BAZ1A: variants seen among roughly 807,000 people sequenced by gnomAD.
The protein encoded by BAZ1A is bromodomain adjacent to zinc finger domain protein 1A.
BAZ1A carries 50 observed loss-of-function variants against 185.2 expected under a neutral mutation model. The observed-to-expected ratio is 0.27, with a 90% CI of 0.22 to 0.34. The LOEUF is 0.34. Among genes scored for constraint, BAZ1A ranks in the 10% least tolerant of loss-of-function variants. The probability of loss-of-function intolerance (pLI) is 1.00; values close to 1 mark genes in which losing one functional copy is unlikely to be tolerated. For missense variants in BAZ1A, 1,356 were observed against 1,839.9 expected, an observed-to-expected ratio of 0.74 and a Z score of 4.81; for synonymous variants, 571 against 615.6, an observed-to-expected ratio of 0.93 and a Z score of 1.07.
chr14:34,787,354 A>C (rs1414674350), intron 12 of BAZ1A, among the ~76,000 whole-genome samples: 3 of 132,930 alleles, frequency 2.3e-5, no homozygotes, highest in Non-Finnish European at 4.9e-5. Context: ...TCTGTCTCAA[A>C]AAAAAAAAAA....
At chr14:34,754,285 G>T (rs1422698658) in intron 26 of BAZ1A, among the ~76,000 whole-genome samples, 1 of 149,912 alleles carries the variant, frequency 6.7e-6, no homozygotes, top group African/African-American at 2.5e-5. Flanking sequence ...TAGGCATGGT[G>T]GCCTGCACCT....
Position 34,874,866 on chromosome 14 carries a change from T to C in BAZ1A, c.-58-204A>G. 3.0e-6 allele frequency: 1 copy of C among 332,546 alleles called. No individual in the cohort carries two copies. Among genetic ancestry groups the C allele is most frequent in the Non-Finnish European group, 5.5e-6 (1 of 182,468 alleles). 20.6% of individuals were successfully genotyped at this position (332,546 alleles called of 1,614,324 possible). A position where few individuals can be genotyped will look rare whatever the true frequency, so the allele number is the denominator to read the frequency against. ...CCGCCCCTGCCCCCCGAGCGCGCCC[T>C]ACCTCCTCTCGTCCTGCCGCCGCCT... On this transcript the variant is annotated intron_variant, in intron 1 of 26. Transcript: ENST00000360310. This position sits in a 1 kb window ranked among gnomAD's most constrained non-coding sequence, Gnocchi z 4.7.
At chr14:34,872,941 A>ACAAC (rs1555346585) in intron 2 of BAZ1A, among the ~76,000 whole-genome samples, 1 of 122,620 alleles carries the variant, frequency 8.2e-6, no homozygotes, top group Non-Finnish European at 1.7e-5. Context: ...AAAAAAAAAA[A>ACAAC]CTTGTCCAAT....
intron 12 of BAZ1A, among the ~76,000 whole-genome samples, chr14:34,787,790 A>C (rs979960786): frequency 6.6e-6 from 1 of 152,246 alleles, no homozygotes; most frequent in Non-Finnish European, 1.5e-5. Flanking sequence ...AATAGAACTA[A>C]ACAGCAAATC....
At chr14:34,764,133 C>G (rs1566546837) in intron 23 of BAZ1A, among the ~76,000 whole-genome samples, 1 of 152,022 alleles carries the variant, frequency 6.6e-6, no homozygotes, top group Non-Finnish European at 1.5e-5. Flanking sequence ...TTTCCAGGTG[C>G]TAATGTGGCA....
intron 12 of BAZ1A, among the ~76,000 whole-genome samples, chr14:34,790,103 G>A (rs1188060812): frequency 6.6e-6 from 1 of 151,948 alleles, no homozygotes. Context: ...TAACAGGAAA[G>A]TGAGAAAAGA....
At chr14:34,773,140 C>T (rs1594822231) in intron 20 of BAZ1A, among the ~76,000 whole-genome samples, 1 of 152,284 alleles carries the variant, frequency 6.6e-6, no homozygotes, top group East Asian at 1.9e-4. Flanking sequence ...CAACTCCCGG[C>T]CTCAAGTGAT....
chr14:34,867,100 A>T (rs1004324818), intron 2 of BAZ1A, among the ~76,000 whole-genome samples: 3 of 152,068 alleles, frequency 2.0e-5, no homozygotes, highest in Admixed American at 6.6e-5. Context: ...TCTACTAAAA[A>T]TACAAATAAT....
intron 3 of BAZ1A, among the ~76,000 whole-genome samples, chr14:34,840,182 T>C (rs1370750595): frequency 6.6e-6 from 1 of 152,212 alleles, no homozygotes; most frequent in Non-Finnish European, 1.5e-5. Context: ...GAAGTATAGA[T>C]TGGTCCTGCC....
At chr14:34,769,378 C>T (rs529699211) in intron 21 of BAZ1A, among the ~76,000 whole-genome samples, 1 of 152,124 alleles carries the variant, frequency 6.6e-6, no homozygotes, top group Admixed American at 6.5e-5. Context: ...ACCAAAGTAA[C>T]AAACTTTTCT....
At position 34,785,965 on chromosome 14, in the gene BAZ1A, G is replaced by C; in HGVS notation, c.1643C>G (p.Thr548Ser). The C allele has an allele frequency of 6.2e-7, 1 of 1,614,082 alleles. No homozygotes were observed. The highest frequency in any genetic ancestry group is 8.5e-7 in the Non-Finnish European group (1 of 1,180,020). ...GTGCAGTCTGAGGATTTCTGAAAGAGTGCAGCTATCAAGATCCAAACTTTT... is the reference window on the plus strand; with the variant it reads ...GTGCAGTCTGAGGATTTCTGAAAGACTGCAGCTATCAAGATCCAAACTTTT... The part of the protein sequence containing the change: ...SLKSLDLDSC[T>S]LSEILRLHIL... The change falls in exon 14 of 27, where the codon ACT becomes AGT. Residue 548 changes from threonine to serine, a missense_variant. By Grantham distance (58) the Thr-to-Ser change is moderately conservative (BLOSUM62 1). Transcript: ENST00000360310.
chr14:34,801,459 T>A (rs1594854972), intron 7 of BAZ1A, among the ~76,000 whole-genome samples: 2 of 26,350 alleles, frequency 7.6e-5, no homozygotes, highest in South Asian at 3.7e-3. Context: ...ACCTGGCTAA[T>A]TTTTTTTTGT....
rs4007479 is a variant in BAZ1A at position 34,844,777 on chromosome 14, GCACACA to G, written c.392+17261_392+17266del. 9.4e-3 allele frequency among the ~76,000 whole-genome samples: 813 copies of G among 86,824 alleles called. 6 individuals carry two copies. Among genetic ancestry groups the G allele is most frequent in the African/African-American group, 0.018 (487 of 26,990 alleles). The allele number at this position is 86,824 out of a possible 152,430, so 57.0% of individuals were successfully genotyped here. ...TGTCTAAACACACACACACACACGC[GCACACA>G]CACACACACACACACACACACACAC... is the stretch of plus-strand genomic sequence containing the variant. On this transcript the variant is annotated intron_variant, in intron 3 of 26. Coordinates refer to ENST00000360310, the MANE Select transcript of BAZ1A (RefSeq NM_013448.3).
At chr14:34,764,635 T>C in intron 23 of BAZ1A, 72 bp downstream of exon 23, 1 of 1,527,118 alleles carries the variant, frequency 6.5e-7, no homozygotes, top group Non-Finnish European at 8.8e-7. Flanking sequence ...AACTATTCCA[T>C]TTGTATTTGA....
At chr14:34,759,182 T>TTTTTTGTTTTTTTTTG in intron 24 of BAZ1A, among the ~76,000 whole-genome samples, 1 of 119,062 alleles carries the variant, frequency 8.4e-6, no homozygotes, top group East Asian at 2.4e-4. Context: ...TTTTTTTTTT[T>TTTTTTGTTTTTTTTTG]TTTTTTTTTT....
At chr14:34,814,685 G>A (rs889298183) in intron 4 of BAZ1A, among the ~76,000 whole-genome samples, 2 of 151,730 alleles carry the variant, frequency 1.3e-5, no homozygotes, top group South Asian at 2.1e-4. Flanking sequence ...ACATTGCCCA[G>A]GGCTGGTTTA....
In BAZ1A at chr14:34,753,714, GAA is replaced by G. The variant is rs749864077; in HGVS notation, c.4475-12_4475-11del. 6.5e-7 allele frequency: 1 copy of G among 1,539,206 alleles called. No individual in the cohort carries two copies. Among genetic ancestry groups the G allele is most frequent in the South Asian group, 1.3e-5 (1 of 79,382 alleles). On this transcript the variant is annotated splice_polypyrimidine_tract_variant and intron_variant, in intron 26 of 26. Coordinates refer to ENST00000360310, the MANE Select transcript of BAZ1A (RefSeq NM_013448.3). ...TCATCAATAAACTCAGCTAGAAAGG[GAA>G]AGAGACAAAAAGATTAGAATGAAAG...
intron 6 of BAZ1A, among the ~76,000 whole-genome samples, chr14:34,804,328 T>G (rs979604686): frequency 9.9e-5 from 15 of 152,190 alleles, no homozygotes; most frequent in Non-Finnish European, 1.8e-4. Context: ...TTTATCCATG[T>G]GCAACCCTAG....
intron 16 of BAZ1A, among the ~76,000 whole-genome samples, chr14:34,781,230 C>T (rs1227745852): frequency 6.6e-6 from 1 of 151,212 alleles, no homozygotes; most frequent in East Asian, 1.9e-4. Context: ...GATGTGAAAT[C>T]CATAGTGTTA....
Sources: gnomAD v4.1 joint callset for allele counts (sites outside exome capture counted in the v4.1 genomes callset) on GRCh38, gnomAD v4.1.1 for gene constraint, Gnocchi (gnomAD v3.1) non-coding constraint, MANE v1.5 for transcripts, NCBI Gene and HGNC (gene_info 2026-07-23, HGNC 2026-07-21) for gene names.